ZBTB22: variants seen among roughly 807,000 people sequenced by gnomAD.
The protein encoded by ZBTB22 is zinc finger and BTB domain containing 22.
For synonymous variants in ZBTB22, 356 were observed against 347.3 expected, an observed-to-expected ratio of 1.03 and a Z score of -0.28; for missense variants, 668 against 834.1, an observed-to-expected ratio of 0.80 and a Z score of 2.45.
intron 1 of ZBTB22, among the ~76,000 whole-genome samples, chr6:33,317,425 C>T (rs1210811848): frequency 1.3e-5 from 2 of 151,858 alleles, no homozygotes; most frequent in Non-Finnish European, 2.9e-5. Context: ...CAGGCTATGC[C>T]CCCCAAGCTC....
In ZBTB22 at chr6:33,315,984, G is replaced by A; in HGVS notation, c.933C>T (p.Pro311=). The change falls in exon 2 of 2, where the codon CCC becomes CCT. Residue 311 remains proline (P), a synonymous_variant. Transcript: ENST00000431845. The surrounding 1 kb of genome is among the most constrained non-coding windows in gnomAD (Gnocchi z 5.4). ...CCAGATCTGGGTCTTGGGGAACCAGGGGTGTTGGCGCTGGGCAATTACCAC... is the reference window on the plus strand; with the variant it reads ...CCAGATCTGGGTCTTGGGGAACCAGAGGTGTTGGCGCTGGGCAATTACCAC... ...KRGGNCPAPT[P]LVPQDPDLEE... The A allele has an allele frequency of 6.2e-7, 1 of 1,614,058 alleles. No individual in the cohort carries two copies.
In ZBTB22 at chr6:33,315,620, A is replaced by C; in HGVS notation, c.1297T>G (p.Ser433Ala). The C allele has an allele frequency of 6.2e-7, 1 of 1,613,912 alleles. No homozygotes were observed. The highest frequency in any genetic ancestry group is 1.1e-5 in the South Asian group (1 of 91,062). Residue 433 changes from serine (S) to alanine (A), a missense_variant, in exon 2 of 2, where the codon TCT becomes GCT. Transcript: ENST00000431845. This position sits in a 1 kb window ranked among gnomAD's most constrained non-coding sequence, Gnocchi z 5.4. ...GNQILVFPSS[S>A]SSSSSQAPGQ... ...GGAGCCTGTGAGGATGAGGATGAAG[A>C]CGACGACGGGAAGACCAGGATCTGG...
Position 33,315,049 on chromosome 6 carries a change from A to C in ZBTB22, c.1868T>G (p.Val623Gly), listed in dbSNP as rs201918288. ...TCCACCTCCACCGAAGCCCATCTCC[A>C]CCTTGTGGACTCTGGGTGGGGACCA... ...RVWSPPRVHKVEMGFGGGGGA... is the reference protein window; with the variant it reads ...RVWSPPRVHKGEMGFGGGGGA... Residue 623 changes from valine (V) to glycine (G), a missense_variant, in exon 2 of 2, where the codon GTG becomes GGG. Transcript: ENST00000431845. This position sits in a 1 kb window ranked among gnomAD's most constrained non-coding sequence, Gnocchi z 5.4. 417 of 1,575,766 alleles carry C rather than the reference A, an allele frequency of 2.6e-4. 2 individuals are homozygous for C. Among genetic ancestry groups the C allele is most frequent in the South Asian group, 2.3e-3 (203 of 87,306 alleles).
rs773298059 is a variant in ZBTB22, at chr6:33,315,994, G to A, written c.923C>T (p.Ala308Val). 15 of 1,613,920 alleles carry A rather than the reference G, an allele frequency of 9.3e-6. No individual in the cohort carries two copies. Among genetic ancestry groups the A allele is most frequent in the East Asian group, 2.2e-5 (1 of 44,880 alleles). ...GTCTTGGGGAACCAGGGGTGTTGGC[G>A]CTGGGCAATTACCACCTCGCTTCAC... Reference protein sequence around the residue: ...VYVKRGGNCPAPTPLVPQDPD... With the variant: ...VYVKRGGNCPVPTPLVPQDPD... The change falls in exon 2 of 2, where the codon GCG (alanine) becomes GTG (valine). Residue 308 changes from alanine (A) to valine (V), a missense_variant. Physicochemically the swap from Ala to Val is moderately conservative, Grantham distance 64 (BLOSUM62 0). Coordinates refer to ENST00000431845, the MANE Select transcript of ZBTB22 (RefSeq NM_005453.5). The surrounding 1 kb of genome is among the most constrained non-coding windows in gnomAD (Gnocchi z 5.4).
At position 33,315,876 on chromosome 6, in the gene ZBTB22, T is replaced by C; in HGVS notation, c.1041A>G (p.Pro347=). The C allele has an allele frequency of 6.2e-7, 1 of 1,613,858 alleles. No homozygotes were observed. Among genetic ancestry groups the C allele is most frequent in the African/African-American group, 1.3e-5 (1 of 74,950 alleles). The change falls in exon 2 of 2, where the codon CCA becomes CCG. Residue 347 remains proline (P), a synonymous_variant. Transcript: ENST00000431845. The surrounding 1 kb of genome is among the most constrained non-coding windows in gnomAD (Gnocchi z 5.4). The stretch of plus-strand genomic sequence containing the variant: ...GGGTAGCCTCAGGCCCTCCCCCCAC[T>C]GGAACCCTGGAGCTACCCCCTAGTT... ...DEELGGSSRV[P]VGGGPEATLS...
At position 33,316,044 on chromosome 6, in the gene ZBTB22, G is replaced by C. The variant is rs374385525; in HGVS notation, c.873C>G (p.Ile291Met). 2.0e-5 allele frequency: 33 copies of C among 1,613,808 alleles called. No individual in the cohort carries two copies. Among genetic ancestry groups the C allele is most frequent in the Non-Finnish European group, 2.8e-5 (33 of 1,179,958 alleles). ...LRRPTYTPPS[I>M]MPQKHWVYVK... ...CGTATACCCAGTGTTTCTGTGGCAT[G>C]ATGCTAGGGGGTGTGTAGGTGGGTC... The change falls in exon 2 of 2, where the codon ATC becomes ATG. Residue 291 changes from isoleucine to methionine, a missense_variant. Transcript: ENST00000431845. This position sits in a 1 kb window ranked among gnomAD's most constrained non-coding sequence, Gnocchi z 7.2.
At chr6:33,317,500 C>G (rs1041184285) in intron 1 of ZBTB22, among the ~76,000 whole-genome samples, 153 bp downstream of exon 1, 7 of 138,986 alleles carry the variant, frequency 5.0e-5, no homozygotes, top group African/African-American at 1.9e-4. Context: ...GGCCCACCCC[C>G]CCGTGCCCCG....
In ZBTB22 at chr6:33,316,172, T is replaced by C. The variant is rs1193732831; in HGVS notation, c.745A>G (p.Ser249Gly). 1.9e-6 allele frequency: 3 copies of C among 1,613,772 alleles called. No homozygotes were observed. The highest frequency in any genetic ancestry group is 2.5e-6 in the Non-Finnish European group (3 of 1,179,974). Residue 249 changes from serine (S) to glycine (G), a missense_variant, in exon 2 of 2, where the codon AGT (serine) becomes GGT (glycine). Coordinates refer to ENST00000431845, the MANE Select transcript of ZBTB22 (RefSeq NM_005453.5). This position sits in a 1 kb window ranked among gnomAD's most constrained non-coding sequence, Gnocchi z 7.2. ...GPVFPAPVVG[S>G]GGATSGKLLL... ...AGCTTTCCAGATGTGGCCCCTCCAC[T>C]GCCAACGACAGGGGCTGGGAATACA... is the stretch of plus-strand genomic sequence containing the variant.
intron 1 of ZBTB22, 72 bp from the exon 2 acceptor site, chr6:33,317,057 G>C: frequency 9.5e-7 from 1 of 1,048,898 alleles, no homozygotes; most frequent in Non-Finnish European, 1.4e-6. Flanking sequence ...TCAAAAATAT[G>C]TTCACGCTCA....
rs774251980 is a variant in ZBTB22 at position 33,316,848 on chromosome 6, T to A, written c.69A>T (p.Pro23=). The change falls in exon 2 of 2, where the codon CCA becomes CCT. Residue 23 remains proline (P), a synonymous_variant. Transcript: ENST00000431845. The surrounding 1 kb of genome is among the most constrained non-coding windows in gnomAD (Gnocchi z 7.2). ...LPLPLSLAPP[P]LPLPAAAVVH... ...CCACTGCAGCTGCTGGCAGGGGTAG[T>A]GGGGGCGGAGCCAGCGACAGCGGCA... The A allele has an allele frequency of 1.8e-5, 29 of 1,613,268 alleles. No homozygotes were observed. Among genetic ancestry groups the A allele is most frequent in the Non-Finnish European group, 2.5e-5 (29 of 1,179,828 alleles).
Position 33,314,908 on chromosome 6 carries a change from A to C in ZBTB22, c.*104T>G, listed in dbSNP as rs1210996809. On this transcript the variant is annotated 3_prime_UTR_variant, in exon 2 of 2. Coordinates refer to ENST00000431845, the MANE Select transcript of ZBTB22 (RefSeq NM_005453.5). The stretch of plus-strand genomic sequence containing the variant: ...ATATACAAGTCCACAGAGATAAAGG[A>C]AGACAGTAAGTGTGGTGGGAGATCA... 1 of 1,487,002 alleles carries C rather than the reference A, an allele frequency of 6.7e-7. No individual in the cohort carries two copies. Among genetic ancestry groups the C allele is most frequent in the Non-Finnish European group, 8.9e-7 (1 of 1,117,940 alleles). 92.1% of individuals were successfully genotyped at this position (1,487,002 alleles called of 1,614,324 possible).
In ZBTB22 at chr6:33,316,318, T is replaced by G; in HGVS notation, c.599A>C (p.Asn200Thr). Residue 200 changes from asparagine (N) to threonine (T), a missense_variant, in exon 2 of 2, where the codon AAT (asparagine) becomes ACT (threonine). Asn to Thr is a moderately conservative substitution (Grantham distance 65). Transcript: ENST00000431845. This position sits in a 1 kb window ranked among gnomAD's most constrained non-coding sequence, Gnocchi z 7.2. Reference protein sequence around the residue: ...RSHASSRASENQSPSSSNYFS... With the variant: ...RSHASSRASETQSPSSSNYFS... ...GTAGTTGCTGCTGCTGGGAGATTGA[T>G]TCTCACTGGCCCGGCTGGAGGCATG... is the stretch of plus-strand genomic sequence containing the variant. 2 of 1,613,994 alleles carry G rather than the reference T, an allele frequency of 1.2e-6. No homozygotes were observed. The highest frequency in any genetic ancestry group is 1.7e-6 in the Non-Finnish European group (2 of 1,179,982).
Position 33,316,881 on chromosome 6 carries a change from T to C in ZBTB22, c.36A>G (p.Ala12=). ...GAGCCAGCGACAGCGGCAGGGGAAGTGCTGCCCCACTGGGAGACAGAGGAG... is the reference window on the plus strand; with the variant it reads ...GAGCCAGCGACAGCGGCAGGGGAAGCGCTGCCCCACTGGGAGACAGAGGAG... The part of the protein sequence containing the change: ...EPSPLSPSGA[A]LPLPLSLAPP... The change falls in exon 2 of 2, where the codon GCA becomes GCG. Residue 12 remains alanine (A), a synonymous_variant. Transcript: ENST00000431845. This position sits in a 1 kb window ranked among gnomAD's most constrained non-coding sequence, Gnocchi z 7.2. The C allele has an allele frequency of 1.2e-6, 2 of 1,611,042 alleles. No individual in the cohort carries two copies. The highest frequency in any genetic ancestry group is 1.7e-6 in the Non-Finnish European group (2 of 1,178,806).
At position 33,315,141 on chromosome 6, in the gene ZBTB22, A is replaced by T; in HGVS notation, c.1776T>A (p.Ser592=). The T allele has an allele frequency of 6.2e-7, 1 of 1,613,010 alleles. No individual in the cohort carries two copies. The highest frequency in any genetic ancestry group is 8.5e-7 in the Non-Finnish European group (1 of 1,179,378). The part of the protein sequence containing the change: ...TGPSLPSKRE[S]PGVGGGSGDE... Reference sequence around the variant, plus strand: ...CGCCGCTGCCCCCGCCCACTCCGGGAGACTCTCTCTTGGACGGCAAGGATG... The same window carrying T: ...CGCCGCTGCCCCCGCCCACTCCGGGTGACTCTCTCTTGGACGGCAAGGATG... Residue 592 remains serine (S), a synonymous_variant, in exon 2 of 2, where the codon TCT becomes TCA. Transcript: ENST00000431845. This position sits in a 1 kb window ranked among gnomAD's most constrained non-coding sequence, Gnocchi z 5.4.
At position 33,315,602 on chromosome 6, in the gene ZBTB22, G is replaced by C. The variant is rs752635717; in HGVS notation, c.1315C>G (p.Gln439Glu). 6.2e-7 allele frequency: 1 copy of C among 1,614,024 alleles called. No homozygotes were observed. Among genetic ancestry groups the C allele is most frequent in the South Asian group, 1.1e-5 (1 of 91,076 alleles). Reference sequence around the variant, plus strand: ...TTCCCTGGTGGTTGGCCAGGAGCCTGTGAGGATGAGGATGAAGACGACGAC... The same window carrying C: ...TTCCCTGGTGGTTGGCCAGGAGCCTCTGAGGATGAGGATGAAGACGACGAC... Reference protein sequence around the residue: ...FPSSSSSSSSQAPGQPPGNQA... With the variant: ...FPSSSSSSSSEAPGQPPGNQA... Residue 439 changes from glutamine (Q) to glutamate (E), a missense_variant, in exon 2 of 2, where the codon CAG becomes GAG. Physicochemically the swap from Gln to Glu is conservative, Grantham distance 29 (BLOSUM62 2). Coordinates refer to ENST00000431845, the MANE Select transcript of ZBTB22 (RefSeq NM_005453.5). The surrounding 1 kb of genome is among the most constrained non-coding windows in gnomAD (Gnocchi z 5.4).
rs1413711266 is a variant in ZBTB22, at chr6:33,316,659, G to C, written c.258C>G (p.Val86=). ...AASSPYFHDQ[V]LLKGMTSISL... ...AGATGGAGGTCATGCCTTTGAGTAG[G>C]ACCTGATCATGGAAGTAAGGGGAGG... The change falls in exon 2 of 2, where the codon GTC becomes GTG. Residue 86 remains valine (V), a synonymous_variant. Transcript: ENST00000431845. The surrounding 1 kb of genome is among the most constrained non-coding windows in gnomAD (Gnocchi z 7.2). 6.2e-7 allele frequency: 1 copy of C among 1,614,094 alleles called. No individual in the cohort carries two copies. Among genetic ancestry groups the C allele is most frequent in the Non-Finnish European group, 8.5e-7 (1 of 1,180,048 alleles).
Position 33,316,331 on chromosome 6 carries a change from G to T in ZBTB22, c.586C>A (p.Arg196=). Residue 196 remains arginine (R), a synonymous_variant, in exon 2 of 2, where the codon CGG becomes AGG. Coordinates refer to ENST00000431845, the MANE Select transcript of ZBTB22 (RefSeq NM_005453.5). The surrounding 1 kb of genome is among the most constrained non-coding windows in gnomAD (Gnocchi z 7.2). The part of the protein sequence containing the change: ...MGSARSHASS[R]ASENQSPSSS... Reference sequence around the variant, plus strand: ...CTGGGAGATTGATTCTCACTGGCCCGGCTGGAGGCATGGGAGCGCGCAGAG... The same window carrying T: ...CTGGGAGATTGATTCTCACTGGCCCTGCTGGAGGCATGGGAGCGCGCAGAG... The T allele has an allele frequency of 6.2e-7, 1 of 1,613,884 alleles. No individual in the cohort carries two copies. The highest frequency in any genetic ancestry group is 1.1e-5 in the South Asian group (1 of 91,082).
At position 33,316,364 on chromosome 6, in the gene ZBTB22, T is replaced by C. The variant is rs775208868; in HGVS notation, c.553A>G (p.Thr185Ala). 8 of 1,613,818 alleles carry C rather than the reference T, an allele frequency of 5.0e-6. No homozygotes were observed. Among genetic ancestry groups the C allele is most frequent in the Non-Finnish European group, 6.8e-6 (8 of 1,180,020 alleles). ...GCATGGGAGCGCGCAGAGCCCATGG[T>C]AGCAGGGGCCACAGTGCCCCCACTC... The part of the protein sequence containing the change: ...SGSGGTVAPA[T>A]MGSARSHASS... Residue 185 changes from threonine to alanine, a missense_variant, in exon 2 of 2, where the codon ACC (threonine) becomes GCC (alanine). Coordinates refer to ENST00000431845, the MANE Select transcript of ZBTB22 (RefSeq NM_005453.5). The surrounding 1 kb of genome is among the most constrained non-coding windows in gnomAD (Gnocchi z 7.2).
At chr6:33,317,290 C>T (rs970470484) in intron 1 of ZBTB22, among the ~76,000 whole-genome samples, 3 of 152,124 alleles carry the variant, frequency 2.0e-5, no homozygotes, top group Admixed American at 1.3e-4. Flanking sequence ...GGAATTATAC[C>T]CTATTTCCGA....
Sources: allele counts gnomAD v4.1 joint callset (sites outside exome capture counted in the v4.1 genomes callset), GRCh38; gene constraint gnomAD v4.1.1; non-coding constraint Gnocchi (gnomAD v3.1); transcripts MANE v1.5; gene names NCBI Gene and HGNC (gene_info 2026-07-23, HGNC 2026-07-21).